Variants in DACH2 observed in about 807,000 individuals in gnomAD.
DACH2 encodes dachshund homolog 2.
In DACH2, 17 loss-of-function variants were observed where a neutral mutation model predicts 35.8. That is an observed-to-expected ratio of 0.48 (90% CI 0.33 to 0.71). The LOEUF (loss-of-function observed/expected upper bound fraction) is 0.71. Ranked by LOEUF, DACH2 falls within the 30% of genes least tolerant of loss-of-function variation. The probability of loss-of-function intolerance (pLI) is 0.02; values close to 1 mark genes in which losing one functional copy is unlikely to be tolerated. For synonymous variants in DACH2, 195 were observed against 177.3 expected, an observed-to-expected ratio of 1.10 and a Z score of -0.79; for missense variants, 469 against 472.7, an observed-to-expected ratio of 0.99 and a Z score of 0.07.
intron 2 of DACH2, among the ~76,000 whole-genome samples, chrX:86,512,165 A>T: frequency 9.0e-6 from 1 of 111,517 alleles, no homozygotes; most frequent in Non-Finnish European, 1.9e-5. Context: ...AGTTGGGGAG[A>T]CTCACAATTA....
intron 2 of DACH2, among the ~76,000 whole-genome samples, chrX:86,488,921 A>T (rs2038056295): frequency 9.0e-6 from 1 of 111,107 alleles, no homozygotes; most frequent in Non-Finnish European, 1.9e-5. Flanking sequence ...ACATATAATC[A>T]TTACCTAACG....
intron 1 of DACH2, among the ~76,000 whole-genome samples, chrX:86,321,314 T>C (rs2035012072): frequency 8.9e-6 from 1 of 111,756 alleles, no homozygotes; most frequent in Non-Finnish European, 1.9e-5. Flanking sequence ...AGGGCCTGTG[T>C]AAGCAACTTC....
intron 5 of DACH2, among the ~76,000 whole-genome samples, chrX:86,710,148 T>C (rs1430933436): frequency 1.8e-5 from 2 of 112,254 alleles, no homozygotes; most frequent in Non-Finnish European, 3.8e-5. Context: ...ATAAAACAAC[T>C]GTGGTATATA....
intron 2 of DACH2, 25 bp from the exon 3 acceptor site, chrX:86,514,254 T>C: frequency 8.6e-7 from 1 of 1,157,463 alleles, no homozygotes; most frequent in Non-Finnish European, 1.2e-6. Context: ...TTAACCTTTA[T>C]CTATATTTGT....
chrX:86,189,604 C>T (rs1345312896), intron 1 of DACH2, among the ~76,000 whole-genome samples: 2 of 111,191 alleles, frequency 1.8e-5, no homozygotes, highest in African/African-American at 6.5e-5. Flanking sequence ...GCATTTGTTA[C>T]TAAGTGAGTA....
chrX:86,474,197 T>C (rs191594376), intron 2 of DACH2, among the ~76,000 whole-genome samples: 116 of 112,216 alleles, frequency 1.0e-3, no homozygotes, highest in Non-Finnish European at 1.8e-3. Flanking sequence ...ATTTGTCCCA[T>C]TTTAAAATCT....
chrX:86,756,483 T>TA (rs994221568), intron 7 of DACH2, among the ~76,000 whole-genome samples: 21 of 109,986 alleles, frequency 1.9e-4, no homozygotes, highest in African/African-American at 6.9e-4. Context: ...GTTTTTTTTT[T>TA]TTTTTATTTT....
chrX:86,259,369 A>G (rs1185779423), intron 1 of DACH2, among the ~76,000 whole-genome samples: 1 of 111,794 alleles, frequency 8.9e-6, no homozygotes, highest in Non-Finnish European at 1.9e-5. Flanking sequence ...CACACAATTT[A>G]CATATTAATT....
chrX:86,724,525 C>A (rs920480514), intron 6 of DACH2, among the ~76,000 whole-genome samples: 1 of 111,286 alleles, frequency 9.0e-6, no homozygotes. Flanking sequence ...TCATACAATT[C>A]TCTTCTGGCC....
intron 5 of DACH2, among the ~76,000 whole-genome samples, chrX:86,713,458 T>C (rs2041300635): frequency 9.0e-6 from 1 of 111,465 alleles, no homozygotes; most frequent in Non-Finnish European, 1.9e-5. Context: ...AGGACGTTAT[T>C]AATACTTAAT....
chrX:86,366,446 A>G lies in DACH2; in HGVS notation c.489-10378A>G, dbSNP rs761145259. 3.6e-5 allele frequency among the ~76,000 whole-genome samples: 4 copies of G among 111,281 alleles called. No individual in the cohort carries two copies. The South Asian group carries it at 1.5e-3, about 42-fold the overall frequency. On this transcript the variant is annotated intron_variant, in intron 1 of 11. Transcript: ENST00000373125. ...CAAGATAAAACTAACTGCCTGGAGG[A>G]GAAATGAAAATTAAATTGAGACTTT...
At chrX:86,776,338 G>A (rs768067822) in intron 7 of DACH2, among the ~76,000 whole-genome samples, 1 of 111,403 alleles carries the variant, frequency 9.0e-6, no homozygotes, top group Non-Finnish European at 1.9e-5. Context: ...ACTTGTAAGT[G>A]CACCAATCTC....
chrX:86,556,795 T>TATAGAGAGAGAG (rs1232719385), intron 3 of DACH2, among the ~76,000 whole-genome samples: 6 of 25,292 alleles, frequency 2.4e-4, no homozygotes, highest in Admixed American at 1.4e-3. Flanking sequence ...TATATATATA[T>TATAGAGAGAGAG]AGAGAGAGAG....
At chrX:86,342,344 A>T (rs755325627) in intron 1 of DACH2, among the ~76,000 whole-genome samples, 12 of 110,413 alleles carry the variant, frequency 1.1e-4, no homozygotes, top group Non-Finnish European at 2.1e-4. Context: ...ACAAAAAAAT[A>T]AAAAAAATTA....
rs1439383482 is a variant in DACH2, at chrX:86,148,604, A to G, written c.-17A>G. The G allele has an allele frequency of 8.7e-7, 1 of 1,147,642 alleles. No homozygotes were observed. Among genetic ancestry groups the G allele is most frequent in the Admixed American group, 2.7e-5 (1 of 37,227 alleles). 94.6% of individuals were successfully genotyped at this position (1,147,642 alleles called of 1,213,427 possible). On this transcript the variant is annotated 5_prime_UTR_variant, in exon 1 of 12. Coordinates refer to ENST00000373125, the MANE Select transcript of DACH2 (RefSeq NM_053281.3). ...GAAAGCGAGGGCCGGAGGACCCACG[A>G]TAGAGACAGAGTGACCATGGCTGTC...
chrX:86,274,002 A>G (rs774947357), intron 1 of DACH2, among the ~76,000 whole-genome samples: 2 of 111,952 alleles, frequency 1.8e-5, no homozygotes, highest in Non-Finnish European at 3.8e-5. Flanking sequence ...CATTATTTGC[A>G]TGCATTCTGT....
At chrX:86,750,006 G>T (rs899683655) in intron 7 of DACH2, among the ~76,000 whole-genome samples, 2 of 110,237 alleles carry the variant, frequency 1.8e-5, no homozygotes, top group African/African-American at 6.6e-5. Context: ...GTTTCTTTAA[G>T]AATTTTCTCT....
chrX:86,707,995 A>T (rs2041238608), intron 5 of DACH2, among the ~76,000 whole-genome samples: 1 of 108,111 alleles, frequency 9.2e-6, no homozygotes, highest in African/African-American at 3.4e-5. Flanking sequence ...TTGGAAAATC[A>T]ATTGATGTAA....
At position 86,814,659 on chromosome X, in the gene DACH2, G is replaced by A. The variant is rs987613616; in HGVS notation, c.1538-29G>A. On this transcript the variant is annotated intron_variant, in intron 9 of 11. Coordinates refer to ENST00000373125, the MANE Select transcript of DACH2 (RefSeq NM_053281.3). The stretch of plus-strand genomic sequence containing the variant: ...CTGGCATCCCTATTTCATTGCTCAA[G>A]TCTTTGCAAACTACCTTTTACATTT... 4.2e-6 allele frequency: 5 copies of A among 1,202,935 alleles called. No individual in the cohort carries two copies. In the Admixed American group the frequency reaches 1.1e-4, roughly 27 times the overall value.
Sources: allele counts gnomAD v4.1 joint callset (sites outside exome capture counted in the v4.1 genomes callset), GRCh38; gene constraint gnomAD v4.1.1; transcripts MANE v1.5; gene names NCBI Gene and HGNC (gene_info 2026-07-23, HGNC 2026-07-21).